NPDC1: variants seen among roughly 807,000 people sequenced by gnomAD.
The protein encoded by NPDC1 is neural proliferation differentiation and control protein 1.
NPDC1 carries 18 observed loss-of-function variants against 32.5 expected under a neutral mutation model. That is an observed-to-expected ratio of 0.55 (90% CI 0.38 to 0.82). The LOEUF (loss-of-function observed/expected upper bound fraction) is 0.82, where lower values mean the gene tolerates loss of function less well. Among genes scored for constraint, NPDC1 ranks in the 40% least tolerant of loss-of-function variants. The pLI is 0.00. For missense variants in NPDC1, 468 were observed against 406.6 expected, an observed-to-expected ratio of 1.15 and a Z score of -1.30; for synonymous variants, 210 against 184.7, an observed-to-expected ratio of 1.14 and a Z score of -1.11.
chr9:137,041,144 G>C lies in NPDC1; in HGVS notation c.303C>G (p.Phe101Leu). The change falls in exon 3 of 9, where the codon TTC becomes TTG. Residue 101 changes from phenylalanine to leucine, a missense_variant. Coordinates refer to ENST00000371601, the MANE Select transcript of NPDC1 (RefSeq NM_015392.4). ...PQPRLEDEIDFLAQELARKES... is the reference protein window; with the variant it reads ...PQPRLEDEIDLLAQELARKES... ...CCTTCCGGGCAAGCTCCTGGGCCAG[G>C]AAGTCAATCTCATCTTCCAGTCTGG... The C allele has an allele frequency of 6.7e-7, 1 of 1,496,822 alleles. No homozygotes were observed. The highest frequency in any genetic ancestry group is 1.4e-5 in the South Asian group (1 of 73,272). 92.7% of individuals were successfully genotyped at this position (1,496,822 alleles called of 1,614,324 possible). A position where few individuals can be genotyped will look rare whatever the true frequency, so the allele number is the denominator to read the frequency against.
chr9:137,042,323 G>A (rs1203658081), intron 2 of NPDC1, among the ~76,000 whole-genome samples: 8 of 149,892 alleles, frequency 5.3e-5, no homozygotes, highest in East Asian at 2.0e-4. Context: ...GCGCGATCTC[G>A]GCTCACTGCA....
At chr9:137,043,167 C>G (rs529693400) in intron 1 of NPDC1, 94 bp from the exon 2 acceptor site, 1 of 1,414,448 alleles carries the variant, frequency 7.1e-7, no homozygotes, top group Non-Finnish European at 9.8e-7. Flanking sequence ...GCCCCCGTCA[C>G]CCCCCGAGCT....
chr9:137,042,850 GC>G, intron 2 of NPDC1, 76 bp downstream of exon 2: 1 of 1,513,642 alleles, frequency 6.6e-7, no homozygotes, highest in East Asian at 2.3e-5. Flanking sequence ...GAGCCACCGC[GC>G]CCAGCCGGCC....
rs1350219894 is a variant in NPDC1, at chr9:137,041,072, G to A, written c.375C>T (p.Leu125=). The change falls in exon 3 of 9, where the codon CTC becomes CTT. Residue 125 remains leucine (L), a synonymous_variant. Transcript: ENST00000371601. ...AAGCGGGGGTCTCACCAGGCTCCGG[G>A]AGCCGCTGTCGGTCCTTGGGTAGGG... is the stretch of plus-strand genomic sequence containing the variant. ...TPPLPKDRQR[L]PEPATLGFSA... 2 of 1,524,176 alleles carry A rather than the reference G, an allele frequency of 1.3e-6. No individual in the cohort carries two copies. The highest frequency in any genetic ancestry group is 2.6e-5 in the South Asian group (2 of 76,370). 94.4% of individuals were successfully genotyped at this position (1,524,176 alleles called of 1,614,324 possible).
rs950883009 is a variant in NPDC1, at chr9:137,043,482, G to C, written c.113-409C>G. 4.7e-5 allele frequency: 29 copies of C among 615,420 alleles called. No individual in the cohort carries two copies. The African/African-American group carries it at 4.8e-4, about 10-fold the overall frequency. The allele number at this position is 615,420 out of a possible 1,614,324, so 38.1% of individuals were successfully genotyped here. ...GTCCCAGAGGGAAGGGCCCAGGTCT[G>C]TCTCTGGGGAGCAGCAAACGATGCC... On this transcript the variant is annotated intron_variant, in intron 1 of 8. Coordinates refer to ENST00000371601, the MANE Select transcript of NPDC1 (RefSeq NM_015392.4).
At chr9:137,045,759 GGCCT>G in intron 1 of NPDC1, 115 bp downstream of exon 1, 1 of 549,300 alleles carries the variant, frequency 1.8e-6, no homozygotes, top group South Asian at 7.8e-5. Context: ...CAGCGGACCA[GGCCT>G]GCAGGGCCTG....
chr9:137,041,402 G>A (rs1263799789), intron 2 of NPDC1, among the ~76,000 whole-genome samples: 1 of 152,172 alleles, frequency 6.6e-6, no homozygotes, highest in Non-Finnish European at 1.5e-5. Context: ...GGGAGGAGGC[G>A]CTAGGGAAAC....
intron 1 of NPDC1, among the ~76,000 whole-genome samples, chr9:137,044,919 C>T (rs753515030): frequency 2.0e-5 from 3 of 152,238 alleles, no homozygotes; most frequent in Admixed American, 6.5e-5. Context: ...CCCCTTGAGG[C>T]CACACACACA....
chr9:137,043,671 G>A, intron 1 of NPDC1: 1 of 407,916 alleles, frequency 2.5e-6, no homozygotes, highest in Non-Finnish European at 4.4e-6. Flanking sequence ...ACAGAACCCA[G>A]GCAGGTCACT....
intron 2 of NPDC1, among the ~76,000 whole-genome samples, chr9:137,041,874 G>A (rs1031980501): frequency 2.0e-5 from 3 of 152,340 alleles, no homozygotes; most frequent in South Asian, 2.1e-4. Context: ...GCTGGCGAGC[G>A]GGGCATCCCC....
intron 7 of NPDC1, 44 bp from the exon 8 acceptor site, chr9:137,040,111 T>G: frequency 1.3e-6 from 1 of 761,270 alleles, no homozygotes; most frequent in Admixed American, 1.7e-5. Flanking sequence ...GCCCTCGAGG[T>G]GCCAGTGGCC....
At chr9:137,040,469 G>C in intron 6 of NPDC1, 33 bp from the exon 7 acceptor site, 3 of 1,569,728 alleles carry the variant, frequency 1.9e-6, no homozygotes, top group Non-Finnish European at 2.6e-6. Context: ...GTCAGTTGGC[G>C]GCCAGAGTTG....
chr9:137,046,041 C>G lies in NPDC1; in HGVS notation c.-52G>C, dbSNP rs913285188. On this transcript the variant is annotated 5_prime_UTR_variant, in exon 1 of 9. Coordinates refer to ENST00000371601, the MANE Select transcript of NPDC1 (RefSeq NM_015392.4). ...TGGCACCGCGAGGCCAGGGGCTCGG[C>G]GCGGGCTCCGGGCTCCGCGTCGGGA... is the stretch of plus-strand genomic sequence containing the variant. The G allele has an allele frequency of 2.6e-6, 3 of 1,167,998 alleles. No homozygotes were observed. The African/African-American group carries it at 4.8e-5, about 19-fold the overall frequency. 72.4% of individuals were successfully genotyped at this position (1,167,998 alleles called of 1,614,324 possible). A position where few individuals can be genotyped will look rare whatever the true frequency, so the allele number is the denominator to read the frequency against.
chr9:137,044,741 C>T (rs1832105937), intron 1 of NPDC1, among the ~76,000 whole-genome samples: 1 of 152,252 alleles, frequency 6.6e-6, no homozygotes, highest in African/African-American at 2.4e-5. Flanking sequence ...TGAGGACTGG[C>T]ACCTGCCACC....
Position 137,039,853 on chromosome 9 carries a change from C to T in NPDC1, c.897G>A (p.Met299Ile), listed in dbSNP as rs776706588. ...GGTCGAACAGAGGGTTGCGCACCTC[C>T]ATTTCCCCGGTCTGCGAATGTGGGT... ...ECPGLAPTGE[M>I]EVRNPLFDHA... is the part of the protein sequence containing the mutation. The change falls in exon 9 of 9, where the codon ATG becomes ATA. Residue 299 changes from methionine (M) to isoleucine (I), a missense_variant. Transcript: ENST00000371601. 3.8e-6 allele frequency: 3 copies of T among 779,296 alleles called. No homozygotes were observed. The highest frequency in any genetic ancestry group is 3.4e-5 in the African/African-American group (2 of 59,100). The allele number at this position is 779,296 out of a possible 1,614,324, so 48.3% of individuals were successfully genotyped here.
At chr9:137,042,413 C>A (rs888890022) in intron 2 of NPDC1, among the ~76,000 whole-genome samples, 1 of 152,032 alleles carries the variant, frequency 6.6e-6, no homozygotes, top group African/African-American at 2.4e-5. Context: ...GCCGCCACGC[C>A]CGGCTAATTT....
chr9:137,043,815 G>A (rs775838897), intron 1 of NPDC1: 6 of 184,156 alleles, frequency 3.3e-5, no homozygotes, highest in Non-Finnish European at 5.7e-5. Flanking sequence ...CTTTCATCTC[G>A]CTGATGAGGG....
chr9:137,040,117 T>C, intron 7 of NPDC1, 50 bp from the exon 8 acceptor site: 1 of 753,046 alleles, frequency 1.3e-6, no homozygotes, highest in Admixed American at 1.8e-5. Context: ...GAGGTGCCAG[T>C]GGCCCAGTCT....
intron 1 of NPDC1, among the ~76,000 whole-genome samples, chr9:137,045,054 T>G (rs151118987): frequency 2.0e-5 from 3 of 152,192 alleles, no homozygotes; most frequent in Non-Finnish European, 2.9e-5. Flanking sequence ...AGGAGTACTG[T>G]ACGAATGCAG....
Sources: gnomAD v4.1 joint callset for allele counts (sites outside exome capture counted in the v4.1 genomes callset) on GRCh38, gnomAD v4.1.1 for gene constraint, MANE v1.5 for transcripts, NCBI Gene and HGNC (gene_info 2026-07-23, HGNC 2026-07-21) for gene names.